AFG2A: variants seen among roughly 807,000 people sequenced by gnomAD.
AFG2A encodes ATPase family gene 2 protein homolog A.
chr4:123,268,229 G>A, the AFG2A span, among the ~76,000 whole-genome samples: 1 of 151,900 alleles, frequency 6.6e-6, no homozygotes, highest in Admixed American at 6.6e-5. Context: ...AGAATAATAT[G>A]GCCACAAAAC....
chr4:123,111,805 C>T, the AFG2A span, among the ~76,000 whole-genome samples: 3,250 of 152,218 alleles, frequency 0.021, 66 homozygotes, highest in Non-Finnish European at 0.035. Flanking sequence ...GGCATGATCT[C>T]TGCTCATTGC....
chr4:122,953,081 T>TTA, the AFG2A span, among the ~76,000 whole-genome samples: 20 of 152,128 alleles, frequency 1.3e-4, no homozygotes, highest in African/African-American at 4.3e-4. Context: ...TGTGGTTTCA[T>TTA]TATGTCCCCC....
chr4:123,184,787 A>C, the AFG2A span, among the ~76,000 whole-genome samples: 100 of 151,578 alleles, frequency 6.6e-4, no homozygotes, highest in East Asian at 0.016. Context: ...CCGCCCGCCT[A>C]GGCCTCCCAA....
the AFG2A span, among the ~76,000 whole-genome samples, chr4:123,085,639 T>C: frequency 5.6e-4 from 1 of 1,792 alleles, no homozygotes; most frequent in African/African-American, 8.5e-4. Context: ...TAGGTCTTAT[T>C]TTTTTTATTC....
chr4:123,057,660 T>G, the AFG2A span, among the ~76,000 whole-genome samples: 6 of 152,162 alleles, frequency 3.9e-5, no homozygotes, highest in Admixed American at 6.5e-5. Context: ...AGAACAAAAT[T>G]ATAAAATACG....
the AFG2A span, among the ~76,000 whole-genome samples, chr4:123,088,121 T>C: frequency 6.6e-6 from 1 of 152,224 alleles, no homozygotes; most frequent in Non-Finnish European, 1.5e-5. Flanking sequence ...GTACTATCTT[T>C]TATAATACAT....
chr4:122,945,563 C>T, the AFG2A span, among the ~76,000 whole-genome samples: 2 of 152,188 alleles, frequency 1.3e-5, no homozygotes, highest in Non-Finnish European at 2.9e-5. Flanking sequence ...TTTCCTTGAC[C>T]AGCAAAGGGA....
At chr4:123,253,266 T>G in the AFG2A span, among the ~76,000 whole-genome samples, 2 of 152,102 alleles carry the variant, frequency 1.3e-5, no homozygotes, top group African/African-American at 4.8e-5. Flanking sequence ...GCAGATCACC[T>G]GAGGTCTGGA....
At chr4:123,137,536 T>C in the AFG2A span, among the ~76,000 whole-genome samples, 1 of 152,246 alleles carries the variant, frequency 6.6e-6, no homozygotes. Flanking sequence ...TTTCTTTTGC[T>C]GGTGATCACG....
the AFG2A span, among the ~76,000 whole-genome samples, chr4:123,047,488 G>A: frequency 6.6e-6 from 1 of 151,710 alleles, no homozygotes; most frequent in Admixed American, 6.6e-5. Context: ...TAGGTAATTT[G>A]CTAATATTTT....
At chr4:123,115,198 G>A in the AFG2A span, among the ~76,000 whole-genome samples, 5 of 152,242 alleles carry the variant, frequency 3.3e-5, no homozygotes, top group East Asian at 1.9e-4. Flanking sequence ...CCGGCTCTCG[G>A]TGGCAGCCTG....
the AFG2A span, among the ~76,000 whole-genome samples, chr4:123,148,970 T>C: frequency 6.6e-6 from 1 of 151,966 alleles, no homozygotes; most frequent in East Asian, 1.9e-4. Flanking sequence ...GGTTTCACCA[T>C]GTTGGCCAGG....
chr4:123,178,166 A>G, the AFG2A span, among the ~76,000 whole-genome samples: 1 of 152,180 alleles, frequency 6.6e-6, no homozygotes, highest in Non-Finnish European at 1.5e-5. Flanking sequence ...TTACATGGCT[A>G]TACTCTAGTG....
At chr4:123,274,436 C>A in the AFG2A span, among the ~76,000 whole-genome samples, 4 of 151,462 alleles carry the variant, frequency 2.6e-5, no homozygotes, top group Admixed American at 2.0e-4. Context: ...GACTCTTAAC[C>A]ATAATAACAA....
chr4:123,240,083 G>A, the AFG2A span, among the ~76,000 whole-genome samples: 3 of 152,218 alleles, frequency 2.0e-5, no homozygotes, highest in Non-Finnish European at 4.4e-5. Context: ...AACAAAGAAG[G>A]TCATTACATA....
the AFG2A span, among the ~76,000 whole-genome samples, chr4:123,247,225 G>A: frequency 2.4e-4 from 8 of 33,414 alleles, no homozygotes; most frequent in Non-Finnish European, 8.5e-4. Context: ...ACTTGCGTGC[G>A]TGTGTGTGTG....
the AFG2A span, among the ~76,000 whole-genome samples, chr4:123,065,479 A>G: frequency 1.3e-5 from 2 of 152,182 alleles, no homozygotes; most frequent in African/African-American, 4.8e-5. Flanking sequence ...TAACTACTAG[A>G]AAAGTTCAAT....
chr4:123,018,898 G>A, the AFG2A span, among the ~76,000 whole-genome samples: 33 of 151,206 alleles, frequency 2.2e-4, no homozygotes, highest in South Asian at 5.2e-3. Flanking sequence ...TATTATCATA[G>A]CCATAGAAAG....
chr4:123,151,562 A>G, the AFG2A span, among the ~76,000 whole-genome samples: 1 of 152,242 alleles, frequency 6.6e-6, no homozygotes, highest in Admixed American at 6.5e-5. Context: ...AGAAATGCAA[A>G]TCAAAACCAC....
Sources: gnomAD v4.1 joint callset for allele counts (sites outside exome capture counted in the v4.1 genomes callset) on GRCh38, gnomAD v4.1.1 for gene constraint, MANE v1.5 for transcripts, NCBI Gene and HGNC (gene_info 2026-07-23, HGNC 2026-07-21) for gene names.